ZBTB7C: variants seen among roughly 807,000 people sequenced by gnomAD.
The protein encoded by ZBTB7C is zinc finger and BTB domain containing 7C.
ZBTB7C carries 8 observed loss-of-function variants against 25.7 expected under a neutral mutation model. That is an observed-to-expected ratio of 0.31 (90% confidence interval 0.18 to 0.56). ZBTB7C has a LOEUF of 0.56. Ranked by LOEUF, ZBTB7C falls within the 20% of genes least tolerant of loss-of-function variation. The pLI is 0.91. For synonymous variants in ZBTB7C, 394 were observed against 369.0 expected (o/e 1.07, Z -0.78); for missense variants, 824 against 855.2 (o/e 0.96, Z 0.46).
intron 2 of ZBTB7C, among the ~76,000 whole-genome samples, chr18:48,331,965 T>C (rs375586293): frequency 2.6e-4 from 40 of 152,292 alleles, no homozygotes; most frequent in African/African-American, 9.4e-4. Context: ...TTGAAGAAAA[T>C]TCTAGATATC....
chr18:48,294,500 T>C (rs1598803833), intron 2 of ZBTB7C, among the ~76,000 whole-genome samples: 1 of 152,184 alleles, frequency 6.6e-6, no homozygotes, highest in African/African-American at 2.4e-5. Context: ...GAAGTGCAAT[T>C]CCCAGCTGTC....
At chr18:48,065,872 A>G (rs551850270) in intron 3 of ZBTB7C, among the ~76,000 whole-genome samples, 58 of 152,276 alleles carry the variant, frequency 3.8e-4, no homozygotes, top group Non-Finnish European at 8.1e-4. Context: ...ATGAGGGGGC[A>G]GAGTGGGGCA....
intron 3 of ZBTB7C, among the ~76,000 whole-genome samples, chr18:48,082,403 G>A (rs1734419277): frequency 6.6e-6 from 1 of 152,268 alleles, no homozygotes; most frequent in South Asian, 2.1e-4. Flanking sequence ...CCGAAGTCCT[G>A]TTCCTTATCT....
rs28608128 is a variant in ZBTB7C at position 48,223,911 on chromosome 18, C to A, written c.-78-37916G>T. ...TACATGTCCCAGAAAACCTTGGAGA[C>A]AGAAGCGGCTCACAGGATGTATGTG... is the stretch of plus-strand genomic sequence containing the variant. On this transcript the variant is annotated intron_variant, in intron 2 of 4. Transcript: ENST00000590800. Among the ~76,000 whole-genome samples the A allele has an allele frequency of 8.6e-3, 1,309 of 152,312 alleles. 22 individuals carry two copies. Among genetic ancestry groups the A allele is most frequent in the African/African-American group, 0.03 (1,253 of 41,570 alleles).
intron 3 of ZBTB7C, among the ~76,000 whole-genome samples, chr18:48,174,055 C>A (rs77218850): frequency 6.6e-6 from 1 of 152,206 alleles, no homozygotes; most frequent in African/African-American, 2.4e-5. Flanking sequence ...TTAAAAATTA[C>A]GTTTCCACAT....
intron 2 of ZBTB7C, among the ~76,000 whole-genome samples, chr18:48,223,565 A>G (rs572389047): frequency 9.8e-5 from 15 of 152,294 alleles, no homozygotes; most frequent in African/African-American, 3.6e-4. Context: ...CAGACCCTAG[A>G]CACGTGTGCA....
At chr18:48,073,224 T>C (rs1467678021) in intron 3 of ZBTB7C, among the ~76,000 whole-genome samples, 1 of 152,076 alleles carries the variant, frequency 6.6e-6, no homozygotes, top group African/African-American at 2.4e-5. Context: ...TATAATAATC[T>C]GCACACCACA....
At chr18:48,329,617 T>A (rs944738596) in intron 2 of ZBTB7C, among the ~76,000 whole-genome samples, 1 of 152,086 alleles carries the variant, frequency 6.6e-6, no homozygotes, top group Non-Finnish European at 1.5e-5. Context: ...CTGGGTGCAG[T>A]TTATGTATGT....
intron 2 of ZBTB7C, among the ~76,000 whole-genome samples, chr18:48,310,082 T>C (rs1459511934): frequency 6.6e-6 from 1 of 151,982 alleles, no homozygotes; most frequent in Non-Finnish European, 1.5e-5. Context: ...ACAAAAAAAT[T>C]AGCTGGGCAT....
At chr18:48,222,979 G>A (rs946918934) in intron 2 of ZBTB7C, among the ~76,000 whole-genome samples, 2 of 152,218 alleles carry the variant, frequency 1.3e-5, no homozygotes, top group Admixed American at 6.5e-5. Flanking sequence ...GCCCTGAGCT[G>A]TGTTCTGAGA....
chr18:48,318,859 A>G (rs72911519), intron 2 of ZBTB7C, among the ~76,000 whole-genome samples: 22,898 of 152,116 alleles, frequency 0.15, 1,849 homozygotes, highest in Non-Finnish European at 0.2. Flanking sequence ...TCTTCCCAGA[A>G]CCAACATGTC....
intron 1 of ZBTB7C, among the ~76,000 whole-genome samples, chr18:48,379,493 C>T (rs1017803348): frequency 5.3e-5 from 8 of 152,076 alleles, no homozygotes; most frequent in African/African-American, 1.9e-4. Flanking sequence ...TTGTTTTTTA[C>T]CCCAGTGTTC....
chr18:48,086,467 C>G (rs368962756), intron 3 of ZBTB7C, among the ~76,000 whole-genome samples: 6 of 152,316 alleles, frequency 3.9e-5, no homozygotes, highest in African/African-American at 1.4e-4. Context: ...TAATCTAGAT[C>G]ATTTTCTGTT....
chr18:48,063,941 G>A (rs2037222599), intron 3 of ZBTB7C, among the ~76,000 whole-genome samples: 1 of 152,004 alleles, frequency 6.6e-6, no homozygotes, highest in East Asian at 1.9e-4. Context: ...AATAAGGACA[G>A]TGACAATAGT....
intron 1 of ZBTB7C, among the ~76,000 whole-genome samples, chr18:48,396,337 T>G (rs1409387770): frequency 2.6e-5 from 4 of 152,308 alleles, no homozygotes; most frequent in East Asian, 1.9e-4. Flanking sequence ...CAGAGCTACA[T>G]GAGAAATCAG....
intron 1 of ZBTB7C, among the ~76,000 whole-genome samples, chr18:48,382,771 T>C (rs909883917): frequency 1.5e-4 from 23 of 152,358 alleles, no homozygotes; most frequent in African/African-American, 4.6e-4. Flanking sequence ...TTTGCTTATA[T>C]ACAGATTAGG....
intron 1 of ZBTB7C, among the ~76,000 whole-genome samples, chr18:48,353,888 CA>C (rs1457624885): frequency 6.6e-6 from 1 of 152,122 alleles, no homozygotes; most frequent in Non-Finnish European, 1.5e-5. Context: ...GAGGGGGGTC[CA>C]AAGGGCCATC....
chr18:48,227,173 CA>C (rs1376538130), intron 2 of ZBTB7C, among the ~76,000 whole-genome samples: 2 of 152,208 alleles, frequency 1.3e-5, no homozygotes, highest in African/African-American at 4.8e-5. Flanking sequence ...CTGTCTGGGC[CA>C]GGAGGGCTTG....
chr18:48,072,045 C>G (rs1417285685), intron 3 of ZBTB7C, among the ~76,000 whole-genome samples: 1 of 152,228 alleles, frequency 6.6e-6, no homozygotes, highest in African/African-American at 2.4e-5. Flanking sequence ...TGTGAATACA[C>G]TTACTGTTAC....
Sources: allele counts gnomAD v4.1 joint callset (sites outside exome capture counted in the v4.1 genomes callset), GRCh38; gene constraint gnomAD v4.1.1; transcripts MANE v1.5; gene names NCBI Gene and HGNC (gene_info 2026-07-23, HGNC 2026-07-21).